ERG: variants seen among roughly 807,000 people sequenced by gnomAD.
The protein encoded by ERG is ETS transcription factor ERG.
Under a neutral mutation model 55.3 loss-of-function variants are expected in ERG, and 9 were observed. The observed-to-expected ratio is 0.16, with a 90% confidence interval of 0.10 to 0.28. ERG has a LOEUF of 0.28. Among genes scored for constraint, ERG ranks in the 10% least tolerant of loss-of-function variants. The pLI, the probability that ERG is intolerant of heterozygous loss-of-function variation, is 1.00. For missense variants in ERG, 434 were observed against 631.6 expected (o/e 0.69, Z 3.35); for synonymous variants, 223 against 237.3 (o/e 0.94, Z 0.55).
At position 38,382,453 on chromosome 21, in the gene ERG, T is replaced by C. The variant is rs1987489711; in HGVS notation, c.*950A>G. 1 of 1,062,870 alleles carries C rather than the reference T, an allele frequency of 9.4e-7. No homozygotes were observed. The highest frequency in any genetic ancestry group is 1.6e-5 in the African/African-American group (1 of 60,902). 65.8% of individuals were successfully genotyped at this position (1,062,870 alleles called of 1,614,324 possible). A position where few individuals can be genotyped will look rare whatever the true frequency, so the allele number is the denominator to read the frequency against. ...AATATCAGACAATTCCAGTTAAAAT[T>C]TTCATTTGACAAACAAAGAAAGAGA... On this transcript the variant is annotated 3_prime_UTR_variant, in exon 10 of 10. Transcript: ENST00000288319.
the ERG span, among the ~76,000 whole-genome samples, chr21:38,369,023 G>A: frequency 2.3e-4 from 35 of 152,152 alleles, no homozygotes; most frequent in Non-Finnish European, 2.4e-4. Flanking sequence ...TCATTGATGG[G>A]CATTTAGGCT....
chr21:38,563,175 C>T (rs1438203480), intron 2 of ERG, among the ~76,000 whole-genome samples: 1 of 152,208 alleles, frequency 6.6e-6, no homozygotes, highest in African/African-American at 2.4e-5. Flanking sequence ...TGAAACTAAT[C>T]TGTATGATAT....
At chr21:38,433,309 C>A (rs1204788866) in intron 2 of ERG, among the ~76,000 whole-genome samples, 1 of 152,064 alleles carries the variant, frequency 6.6e-6, no homozygotes, top group Non-Finnish European at 1.5e-5. Flanking sequence ...GAGGTGAGGA[C>A]CAGGACAGGA....
In ERG at chr21:38,619,374, C is replaced by T. The variant is rs60357523; in HGVS notation, c.-149-34429G>A. ...TCCTCTTGCTCCCTCCCCTCATCCT[C>T]CTCCTCTCTATTCCTCTTACTCCCT... On this transcript the variant is annotated intron_variant, in intron 1 of 10. Coordinates refer to the ERG transcript ENST00000398910. Among the ~76,000 whole-genome samples the T allele has an allele frequency of 3.2e-3, 481 of 152,198 alleles. 4 individuals are homozygous for T. The highest frequency in any genetic ancestry group is 0.011 in the African/African-American group (445 of 41,496).
chr21:38,590,444 G>T (rs1389862997), intron 1 of ERG, among the ~76,000 whole-genome samples: 5 of 152,186 alleles, frequency 3.3e-5, no homozygotes, highest in Non-Finnish European at 7.3e-5. Flanking sequence ...AAGGCACAGA[G>T]TATGAACTCA....
chr21:38,616,686 G>T lies in ERG; in HGVS notation c.-149-31741C>A, dbSNP rs60119937. Among the ~76,000 whole-genome samples the T allele has an allele frequency of 8.5e-3, 1,300 of 152,210 alleles. 20 individuals carry two copies. Among genetic ancestry groups the T allele is most frequent in the African/African-American group, 0.03 (1,227 of 41,508 alleles). On this transcript the variant is annotated intron_variant, in intron 1 of 10. Transcript: ENST00000398910. ...GCAGAAAGAAACTGACCATAAGTCT[G>T]CTCAGAAAACATTCAACCTCTAAGA...
chr21:38,498,930 C>A (rs1177305876), upstream of ERG, among the ~76,000 whole-genome samples: 1 of 152,190 alleles, frequency 6.6e-6, no homozygotes, highest in African/African-American at 2.4e-5. This position sits in a 1 kb window ranked among gnomAD's most constrained non-coding sequence, Gnocchi z 4.6. Context: ...GAGTTTATTT[C>A]ATGTTAATAG....
chr21:38,603,287 T>G (rs1954821608), intron 1 of ERG, among the ~76,000 whole-genome samples: 1 of 151,994 alleles, frequency 6.6e-6, no homozygotes, highest in African/African-American at 2.4e-5. Context: ...TGGCCATATT[T>G]GAACATGTTT....
intron 1 of ERG, among the ~76,000 whole-genome samples, chr21:38,641,739 A>C (rs1200160578): frequency 6.6e-6 from 1 of 152,272 alleles, no homozygotes; most frequent in African/African-American, 2.4e-5. Context: ...TGAAAAAAAA[A>C]ACAAATTTCT....
chr21:38,634,191 C>G (rs535622248), intron 1 of ERG, among the ~76,000 whole-genome samples: 7 of 152,276 alleles, frequency 4.6e-5, no homozygotes, highest in African/African-American at 1.7e-4. Flanking sequence ...AATATTCATT[C>G]ATTTATTCAG....
At position 38,565,590 on chromosome 21, in the gene ERG, C is replaced by T. The variant is rs536123629; in HGVS notation, c.-41+10072G>A. 4.9e-4 allele frequency among the ~76,000 whole-genome samples: 74 copies of T among 152,292 alleles called. 1 individual carries two copies. Among genetic ancestry groups the T allele is most frequent in the South Asian group, 1.0e-3 (5 of 4,826 alleles). On this transcript the variant is annotated intron_variant, in intron 2 of 8. Coordinates refer to the ERG transcript ENST00000398897. ...TCCTGCCAAAGGGCCTTTGCACATG[C>T]TGTTCCCTCTCTCTGCAATACTCTT...
chr21:38,649,147 G>A (rs1438150753), intron 1 of ERG, among the ~76,000 whole-genome samples: 2 of 152,150 alleles, frequency 1.3e-5, no homozygotes, highest in Non-Finnish European at 2.9e-5. Flanking sequence ...GTTTCCAAGA[G>A]TACATTTCAG....
intron 1 of ERG, among the ~76,000 whole-genome samples, chr21:38,468,076 T>C (rs2059106010): frequency 6.6e-6 from 1 of 152,212 alleles, no homozygotes; most frequent in South Asian, 2.1e-4. Flanking sequence ...AGGTGAAAAC[T>C]CCTCTTAGTC....
chr21:38,611,095 CT>C (rs1312404224), intron 1 of ERG, among the ~76,000 whole-genome samples: 1 of 152,272 alleles, frequency 6.6e-6, no homozygotes, highest in Admixed American at 6.5e-5. Flanking sequence ...TCACCCTTGG[CT>C]CACTTCTTCT....
At chr21:38,487,008 G>A (rs1034045111) in intron 1 of ERG, among the ~76,000 whole-genome samples, 2 of 152,176 alleles carry the variant, frequency 1.3e-5, no homozygotes, top group Admixed American at 6.5e-5. Flanking sequence ...AGTGAAAGGC[G>A]TGGTGGGACA....
At chr21:38,479,162 A>AT (rs2059214930) in intron 1 of ERG, among the ~76,000 whole-genome samples, 1 of 152,148 alleles carries the variant, frequency 6.6e-6, no homozygotes, top group Non-Finnish European at 1.5e-5. Flanking sequence ...ATAAAGTTTT[A>AT]TTTTTTCATC....
At chr21:38,541,999 T>G (rs1029021338) in intron 2 of ERG, among the ~76,000 whole-genome samples, 48 of 152,208 alleles carry the variant, frequency 3.2e-4, no homozygotes, top group African/African-American at 1.1e-3. Flanking sequence ...TTTGTTTGTT[T>G]GTTTATTTTC....
At chr21:38,573,335 A>C (rs1358158129) in intron 2 of ERG, among the ~76,000 whole-genome samples, 1 of 152,354 alleles carries the variant, frequency 6.6e-6, no homozygotes. Flanking sequence ...TTAGTAAAAG[A>C]GGAAAGCCTC....
chr21:38,650,646 A>T (rs941783744), intron 1 of ERG, among the ~76,000 whole-genome samples: 2 of 152,180 alleles, frequency 1.3e-5, no homozygotes, highest in African/African-American at 4.8e-5. Context: ...CAAGAAATAA[A>T]AATTAAAAAA....
Sources: gnomAD v4.1 joint callset for allele counts (sites outside exome capture counted in the v4.1 genomes callset) on GRCh38, gnomAD v4.1.1 for gene constraint, Gnocchi (gnomAD v3.1) non-coding constraint, MANE v1.5 for transcripts, NCBI Gene and HGNC (gene_info 2026-07-23, HGNC 2026-07-21) for gene names.